The following NFIX variants were observed in gnomAD, a reference collection of about 807,000 sequenced individuals.
NFIX encodes nuclear factor I X.
Under a neutral mutation model 53.3 loss-of-function variants are expected in NFIX, and 2 were observed. That is an observed-to-expected ratio of 0.04 (90% CI 0.02 to 0.12). The LOEUF (loss-of-function observed/expected upper bound fraction) is 0.12. NFIX is among the 10% of genes least tolerant of loss of function. NFIX has a pLI of 1.00. For missense variants in NFIX, 310 were observed against 674.5 expected (o/e 0.46, Z 5.99); for synonymous variants, 244 against 289.0 (o/e 0.84, Z 1.58).
chr19:13,084,609 G>A (rs1352006093), intron 8 of NFIX, among the ~76,000 whole-genome samples: 2 of 152,160 alleles, frequency 1.3e-5, no homozygotes, highest in Admixed American at 6.5e-5. Flanking sequence ...GAGGATGCCT[G>A]GTTAGCTGTG....
chr19:13,024,317 A>G (rs1428019317), intron 1 of NFIX, among the ~76,000 whole-genome samples: 3 of 152,238 alleles, frequency 2.0e-5, no homozygotes, highest in Admixed American at 6.5e-5. Context: ...TGTGATTAAC[A>G]TTAGTATTGG....
chr19:13,063,981 G>C (rs1454367739), intron 2 of NFIX, among the ~76,000 whole-genome samples: 2 of 152,132 alleles, frequency 1.3e-5, no homozygotes, highest in African/African-American at 4.8e-5. Flanking sequence ...GTCCTGTCCT[G>C]GGCAGCTCAA....
chr19:13,088,860 T>A lies in NFIX; in HGVS notation c.1402+724T>A. On this transcript the variant is annotated intron_variant, in intron 9 of 10. Transcript: ENST00000592199. The surrounding 1 kb of genome is among the most constrained non-coding windows in gnomAD (Gnocchi z 5.9). ...CTTTCTTTTCTTTTCTTTTCTTTTT[T>A]TTTCCTCTTAAACCAATGACAAATT... Among the ~76,000 whole-genome samples the A allele has an allele frequency of 6.6e-6, 1 of 152,174 alleles. No homozygotes were observed. The highest frequency in any genetic ancestry group is 1.5e-5 in the Non-Finnish European group (1 of 68,028).
chr19:13,094,390 C>T lies in NFIX; in HGVS notation c.1495-245C>T, dbSNP rs145234729. On this transcript the variant is annotated intron_variant, in intron 10 of 10. Transcript: ENST00000592199. This position sits in a 1 kb window ranked among gnomAD's most constrained non-coding sequence, Gnocchi z 4.3. ...TCCCACCCGCTGGGCACAGTGCCCA[C>T]GGGAAGGCCAGCTGGACTCTAGCAC... is the stretch of plus-strand genomic sequence containing the variant. Among the ~76,000 whole-genome samples, 1 of 152,294 alleles carries T rather than the reference C, an allele frequency of 6.6e-6. No individual in the cohort carries two copies. Among genetic ancestry groups the T allele is most frequent in the East Asian group, 1.9e-4 (1 of 5,186 alleles).
At chr19:13,039,281 C>A (rs2014447886) in intron 2 of NFIX, among the ~76,000 whole-genome samples, 2 of 151,726 alleles carry the variant, frequency 1.3e-5, no homozygotes, top group Admixed American at 1.3e-4. Flanking sequence ...TCAAGCCCTG[C>A]TGCTGCCCAG....
rs1217192036 is a variant in NFIX at position 13,001,418 on chromosome 19, A to G, written c.27+5554A>G. Among the ~76,000 whole-genome samples the G allele has an allele frequency of 1.3e-5, 2 of 149,754 alleles. No homozygotes were observed. The highest frequency in any genetic ancestry group is 4.0e-4 in the East Asian group (2 of 5,046). Reference sequence around the variant, plus strand: ...AGTGGGGGTCGGGGAGCGTGCCACCATGCGTGTCAGTGTGCCGGATGTAGT... The same window carrying G: ...AGTGGGGGTCGGGGAGCGTGCCACCGTGCGTGTCAGTGTGCCGGATGTAGT... On this transcript the variant is annotated intron_variant, in intron 1 of 10. Coordinates refer to ENST00000592199, the MANE Select transcript of NFIX (RefSeq NM_001365902.3). This position sits in a 1 kb window ranked among gnomAD's most constrained non-coding sequence, Gnocchi z 6.5.
chr19:13,053,296 C>G (rs1470391937), intron 2 of NFIX, among the ~76,000 whole-genome samples: 1 of 152,150 alleles, frequency 6.6e-6, no homozygotes, highest in Non-Finnish European at 1.5e-5. Context: ...CACCCCAACC[C>G]ACTCCTTTTC....
chr19:13,023,486 GA>G (rs1332586052), intron 1 of NFIX, among the ~76,000 whole-genome samples: 3 of 151,998 alleles, frequency 2.0e-5, no homozygotes, highest in Non-Finnish European at 4.4e-5. Context: ...TGCCAAAGCC[GA>G]AAGCCTTTTT....
Position 12,998,328 on chromosome 19 carries a change from C to T in NFIX, c.27+2464C>T, listed in dbSNP as rs972359441. Among the ~76,000 whole-genome samples the T allele has an allele frequency of 1.3e-5, 2 of 151,842 alleles. No homozygotes were observed. Among genetic ancestry groups the T allele is most frequent in the African/African-American group, 4.8e-5 (2 of 41,318 alleles). ...CTGGCCTGCCTCTCTCTCTTTCCCT[C>T]TCTCTCTCTCCCTTTTCTTTTTTTC... On this transcript the variant is annotated intron_variant, in intron 1 of 10. Coordinates refer to ENST00000592199, the MANE Select transcript of NFIX (RefSeq NM_001365902.3). The surrounding 1 kb of genome is among the most constrained non-coding windows in gnomAD (Gnocchi z 4.4).
intron 2 of NFIX, among the ~76,000 whole-genome samples, chr19:13,055,842 C>T (rs977514090): frequency 6.6e-6 from 1 of 152,178 alleles, no homozygotes; most frequent in South Asian, 2.1e-4. Context: ...GGTGTGGGAG[C>T]CTGGGTGAGG....
At chr19:13,086,672 G>C (rs1287155087) in intron 8 of NFIX, among the ~76,000 whole-genome samples, 1 of 152,194 alleles carries the variant, frequency 6.6e-6, no homozygotes, top group South Asian at 2.1e-4. Context: ...GTGTCTCCTT[G>C]AGGGGGACAG....
rs566426306 is a variant in NFIX, at chr19:13,008,922, G to C, written c.27+13058G>C. On this transcript the variant is annotated intron_variant, in intron 1 of 10. Transcript: ENST00000592199. ...AAAAGCCAAGGCCCAAGAGGAAACCGGAGTGAGTTCCTCCTGCAGTTCCAG... is the reference window on the plus strand; with the variant it reads ...AAAAGCCAAGGCCCAAGAGGAAACCCGAGTGAGTTCCTCCTGCAGTTCCAG... 2.0e-5 allele frequency among the ~76,000 whole-genome samples: 3 copies of C among 152,288 alleles called. 1 individual carries two copies. Among genetic ancestry groups the C allele is most frequent in the South Asian group, 4.1e-4 (2 of 4,820 alleles).
In NFIX at chr19:13,005,756, A is replaced by G. The variant is rs908302859; in HGVS notation, c.27+9892A>G. On this transcript the variant is annotated intron_variant, in intron 1 of 10. Transcript: ENST00000592199. This position sits in a 1 kb window ranked among gnomAD's most constrained non-coding sequence, Gnocchi z 4.7. ...TGGGTCTGCACACCCCCACGCCCCC[A>G]TTTGAAACGTGCCCTAGTGGTTGGC... 2.0e-5 allele frequency among the ~76,000 whole-genome samples: 3 copies of G among 152,070 alleles called. No homozygotes were observed. Among genetic ancestry groups the G allele is most frequent in the Non-Finnish European group, 4.4e-5 (3 of 68,014 alleles).
chr19:13,011,605 C>T lies in NFIX; in HGVS notation c.28-13416C>T, dbSNP rs890289180. On this transcript the variant is annotated intron_variant, in intron 1 of 10. Coordinates refer to ENST00000592199, the MANE Select transcript of NFIX (RefSeq NM_001365902.3). The surrounding 1 kb of genome is among the most constrained non-coding windows in gnomAD (Gnocchi z 6.5). ...AATCATAGCTCTTTGATATCCCAGC[C>T]CGGCTGGAGAAAGTTAGATGGTACT... 3.3e-5 allele frequency among the ~76,000 whole-genome samples: 5 copies of T among 152,144 alleles called. No homozygotes were observed. Among genetic ancestry groups the T allele is most frequent in the Admixed American group, 6.5e-5 (1 of 15,282 alleles).
chr19:13,092,896 T>C (rs971113661), intron 10 of NFIX, among the ~76,000 whole-genome samples: 78 of 152,332 alleles, frequency 5.1e-4, no homozygotes, highest in Non-Finnish European at 3.7e-4. Context: ...CTGTAGTCAA[T>C]TGACCGGTTG....
Position 13,025,153 on chromosome 19 carries a change from C to A in NFIX, c.160C>A (p.Arg54=), listed in dbSNP as rs747243966. ...HEKRMSKDEE[R]AVKDELLGEK... ...AAAGCGGATGTCGAAGGACGAGGAG[C>A]GGGCGGTGAAGGACGAGCTGCTGGG... Residue 54 remains arginine (R), a synonymous_variant, in exon 2 of 11, where the codon CGG becomes AGG. Coordinates refer to ENST00000592199, the MANE Select transcript of NFIX (RefSeq NM_001365902.3). The surrounding 1 kb of genome is among the most constrained non-coding windows in gnomAD (Gnocchi z 7.5). 1.2e-6 allele frequency: 2 copies of A among 1,614,198 alleles called. No homozygotes were observed. Among genetic ancestry groups the A allele is most frequent in the African/African-American group, 2.7e-5 (2 of 75,036 alleles).
At chr19:13,029,145 A>G (rs2013601654) in intron 2 of NFIX, among the ~76,000 whole-genome samples, 1 of 152,212 alleles carries the variant, frequency 6.6e-6, no homozygotes, top group African/African-American at 2.4e-5. Flanking sequence ...AGTGCCAGCA[A>G]TCGCCAGATC....
In NFIX at chr19:13,043,526, A is replaced by T. The variant is rs1368437758; in HGVS notation, c.559+17974A>T. 6.6e-6 allele frequency among the ~76,000 whole-genome samples: 1 copy of T among 152,244 alleles called. No individual in the cohort carries two copies. Among genetic ancestry groups the T allele is most frequent in the Non-Finnish European group, 1.5e-5 (1 of 68,034 alleles). ...TGCTGACACCTGAGGCCAGCTGCGC[A>T]GTCTGCCACAAGGCCCCTGGGGCTG... is the stretch of plus-strand genomic sequence containing the variant. On this transcript the variant is annotated intron_variant, in intron 2 of 10. Coordinates refer to ENST00000592199, the MANE Select transcript of NFIX (RefSeq NM_001365902.3). The surrounding 1 kb of genome is among the most constrained non-coding windows in gnomAD (Gnocchi z 4.0).
intron 1 of NFIX, among the ~76,000 whole-genome samples, chr19:13,019,929 T>A (rs1487595731): frequency 1.3e-5 from 2 of 149,034 alleles, no homozygotes. Context: ...TTTCCTTTTT[T>A]CCCCCCTTGT....
Sources: gnomAD v4.1 joint callset for allele counts (sites outside exome capture counted in the v4.1 genomes callset) on GRCh38, gnomAD v4.1.1 for gene constraint, Gnocchi (gnomAD v3.1) non-coding constraint, MANE v1.5 for transcripts, NCBI Gene and HGNC (gene_info 2026-07-23, HGNC 2026-07-21) for gene names.